Variants in DPF3 observed in about 807,000 individuals in gnomAD.
The protein encoded by DPF3 is double PHD fingers 3, also known as zinc finger protein DPF3.
In DPF3, 18 loss-of-function variants were observed where a neutral mutation model predicts 56.8. That is an observed-to-expected ratio of 0.32 (90% confidence interval 0.22 to 0.47). DPF3 has a LOEUF of 0.47. Ranked by LOEUF, DPF3 falls within the 20% of genes least tolerant of loss-of-function variation. The pLI is 1.00. For synonymous variants in DPF3, 188 were observed against 180.2 expected (o/e 1.04, Z -0.35); for missense variants, 403 against 488.8 (o/e 0.82, Z 1.65).
chr14:72,641,353 A>G (rs1885559803), intron 8 of DPF3, among the ~76,000 whole-genome samples: 2 of 152,218 alleles, frequency 1.3e-5, no homozygotes, highest in Admixed American at 6.5e-5. Flanking sequence ...ACCTAACTCC[A>G]TTCACTCATA....
chr14:72,753,214 C>A, intron 3 of DPF3, 50 bp downstream of exon 3: 3 of 1,573,380 alleles, frequency 1.9e-6, no homozygotes, highest in Non-Finnish European at 2.6e-6. Context: ...CCAGCCCAGT[C>A]CTCCCACCTT....
intron 8 of DPF3, among the ~76,000 whole-genome samples, chr14:72,638,818 CA>C (rs1428928510): frequency 4.3e-5 from 5 of 116,046 alleles, no homozygotes; most frequent in African/African-American, 1.6e-4. Flanking sequence ...CTTTGTTTTA[CA>C]TTTTTTTTTT....
intron 4 of DPF3, among the ~76,000 whole-genome samples, chr14:72,730,112 C>T (rs960567059): frequency 1.3e-5 from 2 of 151,862 alleles, no homozygotes; most frequent in African/African-American, 4.8e-5. Flanking sequence ...CCCTCAAGCA[C>T]TATCAGGGAG....
chr14:72,640,329 A>C (rs1295405558), intron 8 of DPF3, among the ~76,000 whole-genome samples: 1 of 152,182 alleles, frequency 6.6e-6, no homozygotes, highest in African/African-American at 2.4e-5. Context: ...CATGCTTTAG[A>C]GAGATGAGTC....
At chr14:72,837,279 CTCTT>C (rs1884336304) in intron 1 of DPF3, among the ~76,000 whole-genome samples, 2 of 152,304 alleles carry the variant, frequency 1.3e-5, no homozygotes, top group South Asian at 4.1e-4. Context: ...AGAAAGAAAA[CTCTT>C]TCCTAAATGA....
chr14:72,722,664 T>C (rs2215589), intron 5 of DPF3, among the ~76,000 whole-genome samples: 150,431 of 152,304 alleles, frequency 0.99, 74,290 homozygotes, highest in East Asian at 1. Context: ...GGGGTGAGAT[T>C]CTCAAGCCTG....
chr14:72,853,035 G>A (rs1289687926), intron 1 of DPF3, among the ~76,000 whole-genome samples: 4 of 38,692 alleles, frequency 1.0e-4, no homozygotes, highest in Admixed American at 3.9e-4. Context: ...ATAGCCTTGC[G>A]TGTGTGTGTG....
At position 72,617,162 on chromosome 14, in the gene DPF3, T is replaced by G. The variant is rs1884137668; in HGVS notation, c.*2135A>C. Among the ~76,000 whole-genome samples, 1 of 152,222 alleles carries G rather than the reference T, an allele frequency of 6.6e-6. No individual in the cohort carries two copies. ...AGGGCTGCCCTATCACCTGCACTTC[T>G]GTGGAAAACAAATTTGCACATACTC... On this transcript the variant is annotated 3_prime_UTR_variant, in exon 11 of 11. Transcript: ENST00000556509.
At chr14:72,782,168 A>T (rs1892002060) in intron 1 of DPF3, among the ~76,000 whole-genome samples, 1 of 151,902 alleles carries the variant, frequency 6.6e-6, no homozygotes, top group Non-Finnish European at 1.5e-5. Context: ...TCTGGTATTT[A>T]ACACGGCCAC....
chr14:72,706,552 G>A (rs1490948989), intron 6 of DPF3, among the ~76,000 whole-genome samples: 1 of 152,138 alleles, frequency 6.6e-6, no homozygotes, highest in African/African-American at 2.4e-5. Context: ...TACACCGGAG[G>A]ACATGGAGAC....
At position 72,617,702 on chromosome 14, in the gene DPF3, T is replaced by C. The variant is rs1884166808; in HGVS notation, c.*1595A>G. Among the ~76,000 whole-genome samples the C allele has an allele frequency of 6.6e-6, 1 of 152,028 alleles. No homozygotes were observed. Among genetic ancestry groups the C allele is most frequent in the African/African-American group, 2.4e-5 (1 of 41,376 alleles). ...GTCCACTGGCCAAGAGCAATTAGCC[T>C]AGAGAGGAGCACTCCTGCCGAGGGA... On this transcript the variant is annotated 3_prime_UTR_variant, in exon 11 of 11. Transcript: ENST00000556509.
chr14:72,669,962 G>C (rs924727205), intron 8 of DPF3: 1 of 986,004 alleles, frequency 1.0e-6, no homozygotes, highest in Admixed American at 6.1e-5. Context: ...CTTTTGACTA[G>C]GACCTCGCAG....
chr14:72,688,750 A>C (rs1038883557), intron 7 of DPF3, among the ~76,000 whole-genome samples: 3 of 152,110 alleles, frequency 2.0e-5, no homozygotes, highest in African/African-American at 7.2e-5. Flanking sequence ...ACAGTCATTT[A>C]TTTCATTTGC....
intron 2 of DPF3, among the ~76,000 whole-genome samples, chr14:72,771,048 C>T (rs982792629): frequency 4.6e-5 from 7 of 152,094 alleles, no homozygotes; most frequent in Middle Eastern, 3.4e-3. Flanking sequence ...TGGTGGCGCA[C>T]GCCTGTAATC....
Position 72,671,420 on chromosome 14 carries a change from C to T in DPF3, c.871+2820G>A, listed in dbSNP as rs148615890. The T allele has an allele frequency of 1.5e-3, 2,270 of 1,561,024 alleles. 5 individuals carry two copies. Among genetic ancestry groups the T allele is most frequent in the Middle Eastern group, 2.7e-3 (16 of 5,956 alleles). ...ATATTCTCATTACATTATTACAATG[C>T]TATTCTTAATAGCAAGATATAAAAC... On this transcript the variant is annotated intron_variant, in intron 8 of 10. Coordinates refer to ENST00000556509, the MANE Select transcript of DPF3 (RefSeq NM_001280542.3).
chr14:72,766,630 T>A (rs1891299738), intron 2 of DPF3, among the ~76,000 whole-genome samples: 1 of 152,138 alleles, frequency 6.6e-6, no homozygotes, highest in Admixed American at 6.5e-5. Flanking sequence ...TTTTTAAATT[T>A]TTATAGAGAC....
At position 72,814,152 on chromosome 14, in the gene DPF3, C is replaced by T. The variant is rs1322512940; in HGVS notation, c.33-42259G>A. On this transcript the variant is annotated intron_variant, in intron 1 of 10. Transcript: ENST00000556509. ...GGCCCTGGATCACTCAACTGACTGT[C>T]ATTTGAATGGTGCCCCCAGAGTGAG... Among the ~76,000 whole-genome samples the T allele has an allele frequency of 2.0e-5, 3 of 152,158 alleles. No homozygotes were observed. The East Asian group carries it at 5.8e-4, about 29-fold the overall frequency.
At chr14:72,714,380 A>G (rs753272908) in intron 6 of DPF3, 43 bp downstream of exon 6, 3 of 1,605,334 alleles carry the variant, frequency 1.9e-6, no homozygotes, top group African/African-American at 2.7e-5. Context: ...CCCTGGGGGC[A>G]GGCGCACAGG....
At chr14:72,770,756 T>C (rs1368231168) in intron 2 of DPF3, among the ~76,000 whole-genome samples, 1 of 152,210 alleles carries the variant, frequency 6.6e-6, no homozygotes, top group Admixed American at 6.5e-5. Flanking sequence ...GAAACATTTT[T>C]AAAAACATAT....
Sources: gnomAD v4.1 joint callset for allele counts (sites outside exome capture counted in the v4.1 genomes callset) on GRCh38, gnomAD v4.1.1 for gene constraint, MANE v1.5 for transcripts, NCBI Gene and HGNC (gene_info 2026-07-23, HGNC 2026-07-21) for gene names.